TENM3: variants seen among roughly 807,000 people sequenced by gnomAD.
TENM3 encodes the protein teneurin transmembrane protein 3.
Under a neutral mutation model 255.1 loss-of-function variants are expected in TENM3, and 63 were observed. The observed-to-expected ratio is 0.25, with a 90% CI of 0.20 to 0.30. The LOEUF (loss-of-function observed/expected upper bound fraction) is 0.30, where lower values mean the gene tolerates loss of function less well. Ranked by LOEUF, TENM3 falls within the 10% of genes least tolerant of loss-of-function variation. TENM3 has a pLI of 1.00. For missense variants in TENM3, 2,929 were observed against 3,461.1 expected (o/e 0.85, Z 3.86); for synonymous variants, 1,306 against 1,322.3 (o/e 0.99, Z 0.27).
chr4:181,826,124 AGC>A, the TENM3 span, among the ~76,000 whole-genome samples: 1 of 152,250 alleles, frequency 6.6e-6, no homozygotes, highest in South Asian at 2.1e-4. Context: ...TAACTATAAA[AGC>A]ATTCCAGTTA....
At position 182,372,950 on chromosome 4, in the gene TENM3, G is replaced by C. The variant is rs140533349; in HGVS notation, c.511+26021G>C. ...AGATGAGGTTTCACCAGGTTGCTCA[G>C]GCTGGTCTCAAACTCCCGAACTCAA... On this transcript the variant is annotated intron_variant, in intron 3 of 27. Transcript: ENST00000511685. 6.5e-3 allele frequency among the ~76,000 whole-genome samples: 992 copies of C among 152,120 alleles called. 3 individuals carry two copies. Among genetic ancestry groups the C allele is most frequent in the East Asian group, 0.014 (74 of 5,162 alleles).
At chr4:181,641,914 T>C in the TENM3 span, among the ~76,000 whole-genome samples, 1 of 145,982 alleles carries the variant, frequency 6.9e-6, no homozygotes, top group African/African-American at 2.5e-5. Context: ...TTATTGTGAA[T>C]AGGGCTGCAA....
intron 13 of TENM3, among the ~76,000 whole-genome samples, chr4:182,718,190 A>T (rs544444041): frequency 3.3e-5 from 5 of 152,188 alleles, no homozygotes; most frequent in South Asian, 4.2e-4. Context: ...AAAAAAAATT[A>T]TTAGCTTATA....
intron 3 of TENM3, among the ~76,000 whole-genome samples, chr4:182,555,904 A>G (rs79201559): frequency 0.044 from 6,705 of 152,040 alleles, 192 homozygotes; most frequent in Non-Finnish European, 0.071. Context: ...GGCCTCTGGA[A>G]TTACTTTTTT....
the TENM3 span, among the ~76,000 whole-genome samples, chr4:181,821,043 T>C: frequency 5.9e-5 from 9 of 152,170 alleles, no homozygotes; most frequent in African/African-American, 1.9e-4. Flanking sequence ...AAGTGGAATA[T>C]TCTCTGAGGA....
intron 3 of TENM3, among the ~76,000 whole-genome samples, chr4:182,404,493 T>C (rs1242429947): frequency 6.6e-6 from 1 of 152,236 alleles, no homozygotes; most frequent in Non-Finnish European, 1.5e-5. Context: ...ACTCTTTTTA[T>C]GGATCAAGTA....
chr4:181,888,994 A>G, the TENM3 span, among the ~76,000 whole-genome samples: 2 of 151,902 alleles, frequency 1.3e-5, no homozygotes, highest in South Asian at 2.1e-4. Context: ...TTCCAGAAAC[A>G]TCCCCTCAAA....
At chr4:181,626,727 T>A in the TENM3 span, among the ~76,000 whole-genome samples, 1 of 151,810 alleles carries the variant, frequency 6.6e-6, no homozygotes, top group Admixed American at 6.6e-5. Context: ...ACATGGGGAG[T>A]CACATTTCAA....
the TENM3 span, among the ~76,000 whole-genome samples, chr4:182,042,110 G>A: frequency 6.6e-6 from 1 of 152,066 alleles, no homozygotes; most frequent in East Asian, 1.9e-4. Flanking sequence ...GCACACACAC[G>A]TGCTTTCCCC....
the TENM3 span, among the ~76,000 whole-genome samples, chr4:181,725,325 G>A: frequency 6.6e-6 from 1 of 151,714 alleles, no homozygotes; most frequent in Non-Finnish European, 1.5e-5. Context: ...ATCTTTCCCT[G>A]CAACGTGGTT....
intron 12 of TENM3, among the ~76,000 whole-genome samples, chr4:182,693,796 G>A (rs1243210955): frequency 6.6e-6 from 1 of 151,982 alleles, no homozygotes; most frequent in Non-Finnish European, 1.5e-5. Flanking sequence ...GTACTTCATG[G>A]GATTATTAGA....
At chr4:181,854,759 T>C in the TENM3 span, among the ~76,000 whole-genome samples, 2 of 152,208 alleles carry the variant, frequency 1.3e-5, no homozygotes, top group Non-Finnish European at 2.9e-5. Flanking sequence ...TTTTCTACTT[T>C]TTAAATTGGT....
At chr4:181,649,781 A>G in the TENM3 span, among the ~76,000 whole-genome samples, 2 of 152,210 alleles carry the variant, frequency 1.3e-5, no homozygotes, top group Non-Finnish European at 2.9e-5. Context: ...AATGTTTGAC[A>G]GTGCAGAAAC....
At chr4:181,711,694 G>A in the TENM3 span, among the ~76,000 whole-genome samples, 16 of 152,136 alleles carry the variant, frequency 1.1e-4, no homozygotes, top group Non-Finnish European at 1.0e-4. Flanking sequence ...TAAGCTCAGC[G>A]TTTCCTTAGA....
intron 3 of TENM3, among the ~76,000 whole-genome samples, chr4:182,500,795 T>C (rs116770691): frequency 4.6e-4 from 70 of 152,250 alleles, no homozygotes; most frequent in African/African-American, 1.7e-3. Flanking sequence ...TTAAATAAAG[T>C]ACACGGTTTC....
intron 16 of TENM3, among the ~76,000 whole-genome samples, chr4:182,736,602 A>G (rs1289010520): frequency 1.3e-5 from 2 of 152,210 alleles, no homozygotes; most frequent in Non-Finnish European, 2.9e-5. Context: ...AACAGCTCAA[A>G]TGCATATTTG....
the TENM3 span, among the ~76,000 whole-genome samples, chr4:181,521,357 C>A: frequency 3.5e-4 from 54 of 152,218 alleles, no homozygotes; most frequent in African/African-American, 1.1e-3. Context: ...TTCTTTAGTT[C>A]TTGTTAAATA....
the TENM3 span, among the ~76,000 whole-genome samples, chr4:181,830,160 G>T: frequency 2.4e-4 from 37 of 152,334 alleles, no homozygotes; most frequent in African/African-American, 7.7e-4. Context: ...AAAGCTTTCT[G>T]TGTGAGCTTT....
the TENM3 span, among the ~76,000 whole-genome samples, chr4:181,666,823 C>T: frequency 8.2e-3 from 1,254 of 152,214 alleles, 18 homozygotes; most frequent in African/African-American, 0.028. Flanking sequence ...CTACAGATAA[C>T]ACATCCCCTG....
Sources: gnomAD v4.1 joint callset for allele counts (sites outside exome capture counted in the v4.1 genomes callset) on GRCh38, gnomAD v4.1.1 for gene constraint, MANE v1.5 for transcripts, NCBI Gene and HGNC (gene_info 2026-07-23, HGNC 2026-07-21) for gene names.